ATP6V0D2: variants seen among roughly 807,000 people sequenced by gnomAD.
ATP6V0D2 encodes the protein V-type proton ATPase subunit d 2.
ATP6V0D2 carries 40 observed loss-of-function variants against 40.0 expected under a neutral mutation model. That is an observed-to-expected ratio of 1.00 (90% CI 0.78 to 1.30). The LOEUF (loss-of-function observed/expected upper bound fraction) is 1.30. Ranked by LOEUF, ATP6V0D2 falls within the 50% of genes most tolerant of loss-of-function variation. The pLI is 0.00. For missense variants in ATP6V0D2, 470 were observed against 423.1 expected (o/e 1.11, Z -0.97); for synonymous variants, 179 against 156.3 (o/e 1.15, Z -1.08).
intron 2 of ATP6V0D2, among the ~76,000 whole-genome samples, chr8:86,121,616 G>T (rs900113207): frequency 8.6e-5 from 13 of 151,204 alleles, no homozygotes; most frequent in African/African-American, 2.4e-4. Context: ...AGGAGGAGGA[G>T]GAGAAGGAGA....
At chr8:86,102,941 G>C (rs976102302) in intron 1 of ATP6V0D2, among the ~76,000 whole-genome samples, 2 of 152,084 alleles carry the variant, frequency 1.3e-5, no homozygotes, top group African/African-American at 2.4e-5. Flanking sequence ...TAACACTACT[G>C]CTTGCATCAG....
intron 5 of ATP6V0D2, among the ~76,000 whole-genome samples, chr8:86,145,536 A>G (rs1819057989): frequency 6.6e-6 from 1 of 152,210 alleles, no homozygotes; most frequent in Non-Finnish European, 1.5e-5. Flanking sequence ...TATCTATATT[A>G]TACAGAAAGT....
intron 5 of ATP6V0D2, among the ~76,000 whole-genome samples, chr8:86,145,972 G>A (rs1316876469): frequency 6.6e-6 from 1 of 152,136 alleles, no homozygotes; most frequent in African/African-American, 2.4e-5. Context: ...TTCAGGAGGA[G>A]CAACTGAGGC....
intron 2 of ATP6V0D2, among the ~76,000 whole-genome samples, chr8:86,133,408 C>G (rs537266082): frequency 6.7e-6 from 1 of 149,374 alleles, no homozygotes; most frequent in African/African-American, 2.5e-5. Context: ...CTGCAACCTC[C>G]GCCTCCTGGG....
intron 1 of ATP6V0D2, among the ~76,000 whole-genome samples, chr8:86,102,916 G>A (rs892156929): frequency 1.3e-5 from 2 of 152,042 alleles, no homozygotes; most frequent in African/African-American, 2.4e-5. Flanking sequence ...CTTTAAAAGA[G>A]CATATTTTAA....
chr8:86,129,982 G>GAAAAAAA (rs869058078), intron 2 of ATP6V0D2, among the ~76,000 whole-genome samples: 5 of 92,868 alleles, frequency 5.4e-5, no homozygotes, highest in Admixed American at 1.3e-4. Context: ...GTCTCGAAAA[G>GAAAAAAA]AAAAAAAAAA....
intron 2 of ATP6V0D2, among the ~76,000 whole-genome samples, chr8:86,122,575 A>G (rs1268502938): frequency 6.6e-6 from 1 of 152,208 alleles, no homozygotes; most frequent in Non-Finnish European, 1.5e-5. Flanking sequence ...TAGTCAAAAA[A>G]TGAACAACAT....
chr8:86,118,610 C>T (rs1366436768), intron 2 of ATP6V0D2, among the ~76,000 whole-genome samples: 1 of 152,108 alleles, frequency 6.6e-6, no homozygotes, highest in African/African-American at 2.4e-5. Flanking sequence ...CAATAGCTGG[C>T]ATGAGAGAGG....
chr8:86,151,770 T>G (rs1351235179), intron 7 of ATP6V0D2, among the ~76,000 whole-genome samples: 1 of 151,048 alleles, frequency 6.6e-6, no homozygotes, highest in Non-Finnish European at 1.5e-5. Flanking sequence ...TTTTTTTTTT[T>G]TTTATACCCT....
At position 86,152,868 on chromosome 8, in the gene ATP6V0D2, A is replaced by G; in HGVS notation, c.944A>G (p.Tyr315Cys). ...AGACAGTTCCACTACGGTGTGTTTT[A>G]TGCATATGTAAAGCTGAAGGAACAG... ...FNRQFHYGVF[Y>C]AYVKLKEQEI... Residue 315 changes from tyrosine (Y) to cysteine (C), a missense_variant, in exon 8 of 8, where the codon TAT (tyrosine) becomes TGT (cysteine). Transcript: ENST00000285393. 6.2e-7 allele frequency: 1 copy of G among 1,612,760 alleles called. No homozygotes were observed. The highest frequency in any genetic ancestry group is 8.5e-7 in the Non-Finnish European group (1 of 1,179,532).
intron 5 of ATP6V0D2, among the ~76,000 whole-genome samples, chr8:86,149,852 G>GAATTCA (rs1819119368): frequency 6.6e-6 from 1 of 152,014 alleles, no homozygotes; most frequent in African/African-American, 2.4e-5. Flanking sequence ...TTCATTGCAG[G>GAATTCA]GTGCCCGGGA....
At chr8:86,139,849 A>G (rs1818950185) in intron 3 of ATP6V0D2, among the ~76,000 whole-genome samples, 1 of 152,230 alleles carries the variant, frequency 6.6e-6, no homozygotes. Context: ...TCAGATCAGG[A>G]CAAATGAAGC....
At chr8:86,124,311 G>T (rs1818711361) in intron 2 of ATP6V0D2, among the ~76,000 whole-genome samples, 1 of 152,144 alleles carries the variant, frequency 6.6e-6, no homozygotes, top group African/African-American at 2.4e-5. Flanking sequence ...GTAACTGAAT[G>T]ATATTCATTT....
intron 2 of ATP6V0D2, among the ~76,000 whole-genome samples, chr8:86,118,002 T>TTTTC (rs71574256): frequency 0.11 from 15,497 of 136,878 alleles, 1,086 homozygotes; most frequent in East Asian, 0.3. Flanking sequence ...TTTCTCTTTG[T>TTTTC]TTTCTTTCTT....
At chr8:86,142,181 C>A (rs574691521) in intron 4 of ATP6V0D2, among the ~76,000 whole-genome samples, 6 of 152,128 alleles carry the variant, frequency 3.9e-5, no homozygotes, top group Non-Finnish European at 7.4e-5. Flanking sequence ...ACATGTGGTC[C>A]TTTCAAAAGC....
chr8:86,146,056 C>T (rs898803814), intron 5 of ATP6V0D2, among the ~76,000 whole-genome samples: 18 of 152,184 alleles, frequency 1.2e-4, no homozygotes, highest in African/African-American at 4.8e-5. Flanking sequence ...AGTTGGCTCA[C>T]GTACTTATGT....
rs201357830 is a variant in ATP6V0D2 at position 86,151,747 on chromosome 8, TTTTC to T, written c.891+215_891+218del. Among the ~76,000 whole-genome samples the T allele has an allele frequency of 0.12, 15,887 of 134,622 alleles. 914 individuals carry two copies. The highest frequency in any genetic ancestry group is 0.2 in the Admixed American group (2,771 of 13,982). The allele number at this position is 134,622 out of a possible 152,430, so 88.3% of individuals were successfully genotyped here. A position where few individuals can be genotyped will look rare whatever the true frequency, so the allele number is the denominator to read the frequency against. Reference sequence around the variant, plus strand: ...TAGCAGTGCTGCTAAAGTTTGTAGCTTTTCTTTCTTTTTTTTTTTTTTTTTTATA... The same window carrying T: ...TAGCAGTGCTGCTAAAGTTTGTAGCTTTTCTTTTTTTTTTTTTTTTTTATA... On this transcript the variant is annotated intron_variant, in intron 7 of 7. Coordinates refer to ENST00000285393, the MANE Select transcript of ATP6V0D2 (RefSeq NM_152565.1).
intron 1 of ATP6V0D2, among the ~76,000 whole-genome samples, chr8:86,107,831 A>G (rs886694532): frequency 2.6e-5 from 4 of 152,224 alleles, no homozygotes; most frequent in African/African-American, 9.6e-5. Flanking sequence ...AATGCAGGGC[A>G]TTTGGAGTAA....
intron 2 of ATP6V0D2, among the ~76,000 whole-genome samples, chr8:86,122,972 A>G (rs1003765791): frequency 4.6e-5 from 7 of 152,220 alleles, no homozygotes; most frequent in Non-Finnish European, 8.8e-5. Context: ...GAAGGCTTTC[A>G]GAAAATACTA....
Sources: gnomAD v4.1 joint callset for allele counts (sites outside exome capture counted in the v4.1 genomes callset) on GRCh38, gnomAD v4.1.1 for gene constraint, MANE v1.5 for transcripts, NCBI Gene and HGNC (gene_info 2026-07-23, HGNC 2026-07-21) for gene names.